CNTNAP5: variants seen among roughly 807,000 people sequenced by gnomAD.
The protein encoded by CNTNAP5 is contactin-associated protein-like 5.
A neutral mutation model predicts 150.2 loss-of-function variants in CNTNAP5; 72 were observed. The observed-to-expected ratio is 0.48, with a 90% CI of 0.40 to 0.58. The LOEUF (loss-of-function observed/expected upper bound fraction) is 0.58, where lower values mean the gene tolerates loss of function less well. CNTNAP5 is among the 20% of genes least tolerant of loss of function. The pLI is 0.00. For synonymous variants in CNTNAP5, 672 were observed against 619.8 expected (o/e 1.08, Z -1.25); for missense variants, 1,636 against 1,626.2 (o/e 1.01, Z -0.10).
intron 8 of CNTNAP5, among the ~76,000 whole-genome samples, chr2:124,520,263 A>G (rs1047513419): frequency 2.6e-5 from 4 of 152,250 alleles, no homozygotes; most frequent in African/African-American, 7.2e-5. Flanking sequence ...GCCTGCTACT[A>G]TGGGAAATAT....
At chr2:124,451,051 A>AATATAT (rs1553469335) in intron 6 of CNTNAP5, among the ~76,000 whole-genome samples, 2 of 65,306 alleles carry the variant, frequency 3.1e-5, no homozygotes, top group African/African-American at 1.4e-4. Flanking sequence ...AAAAAAAAAA[A>AATATAT]ATATATATAT....
At chr2:124,240,452 A>C (rs927614601) in intron 2 of CNTNAP5, among the ~76,000 whole-genome samples, 7 of 152,168 alleles carry the variant, frequency 4.6e-5, no homozygotes, top group Admixed American at 4.6e-4. Flanking sequence ...ATAACCATGA[A>C]AGTATGGAAA....
intron 1 of CNTNAP5, among the ~76,000 whole-genome samples, chr2:124,136,601 A>C (rs564023089): frequency 6.6e-6 from 1 of 152,260 alleles, no homozygotes; most frequent in South Asian, 2.1e-4. Context: ...TGAAAAACAG[A>C]ATGTTTGTTC....
chr2:124,261,404 CT>C (rs1687451882), intron 3 of CNTNAP5, among the ~76,000 whole-genome samples: 1 of 152,130 alleles, frequency 6.6e-6, no homozygotes, highest in Non-Finnish European at 1.5e-5. Flanking sequence ...ATTTTATAAG[CT>C]TTTTATTTGT....
chr2:124,629,936 CAAAAAAA>C (rs70996084), intron 12 of CNTNAP5, among the ~76,000 whole-genome samples: 1 of 67,772 alleles, frequency 1.5e-5, no homozygotes, highest in African/African-American at 4.4e-5. Context: ...CACCTCTATG[CAAAAAAA>C]AAAAAAAAAA....
At chr2:124,120,861 C>A (rs1279458400) in intron 1 of CNTNAP5, among the ~76,000 whole-genome samples, 1 of 152,144 alleles carries the variant, frequency 6.6e-6, no homozygotes, top group East Asian at 1.9e-4. Context: ...ATGCAATCAC[C>A]CATACCTGAG....
At position 124,149,400 on chromosome 2, in the gene CNTNAP5, T is replaced by C. The variant is rs1305703955; in HGVS notation, c.83-72305T>C. 4.6e-4 allele frequency among the ~76,000 whole-genome samples: 30 copies of C among 65,454 alleles called. 1 individual carries two copies. In the Admixed American group the frequency reaches 6.0e-3, roughly 13 times the overall value. 42.9% of individuals were successfully genotyped at this position (65,454 alleles called of 152,430 possible). A position where few individuals can be genotyped will look rare whatever the true frequency, so the allele number is the denominator to read the frequency against. On this transcript the variant is annotated intron_variant, in intron 1 of 23. Transcript: ENST00000682447. ...ACCATGTGTTCCAAGATGGCGTCAA[T>C]TGCAAAAAAAAAAAAAAAAAAAAAA...
intron 12 of CNTNAP5, among the ~76,000 whole-genome samples, chr2:124,643,500 C>A (rs1355177462): frequency 6.6e-6 from 1 of 151,784 alleles, no homozygotes; most frequent in Non-Finnish European, 1.5e-5. Context: ...AAAAAAAAAA[C>A]TTAACAAGGT....
intron 6 of CNTNAP5, among the ~76,000 whole-genome samples, chr2:124,466,839 G>A (rs545491191): frequency 5.3e-5 from 8 of 152,142 alleles, no homozygotes; most frequent in Non-Finnish European, 8.8e-5. Context: ...TCTCCATTCA[G>A]TATCATCCAC....
intron 1 of CNTNAP5, among the ~76,000 whole-genome samples, chr2:124,209,704 T>C (rs573583990): frequency 6.6e-6 from 1 of 152,288 alleles, no homozygotes; most frequent in East Asian, 1.9e-4. Context: ...GTGAGTAAGA[T>C]GGGGCCTCAA....
At chr2:124,475,025 A>C in intron 7 of CNTNAP5, 143 bp downstream of exon 7, 1 of 611,084 alleles carries the variant, frequency 1.6e-6, no homozygotes, top group Non-Finnish European at 2.7e-6. Context: ...GACACTGGAG[A>C]GAAAGAGAAT....
intron 3 of CNTNAP5, among the ~76,000 whole-genome samples, chr2:124,300,615 G>A (rs1303485582): frequency 6.6e-6 from 1 of 152,180 alleles, no homozygotes; most frequent in African/African-American, 2.4e-5. Flanking sequence ...GACCACAGGC[G>A]AGTGGCAGGG....
At chr2:124,428,877 T>A (rs1022211442) in intron 4 of CNTNAP5, among the ~76,000 whole-genome samples, 2 of 145,124 alleles carry the variant, frequency 1.4e-5, no homozygotes, top group African/African-American at 5.2e-5. Flanking sequence ...CAGTTTTATG[T>A]TTTTGGTACC....
chr2:124,696,934 T>G (rs1478836302), intron 13 of CNTNAP5, among the ~76,000 whole-genome samples: 1 of 152,118 alleles, frequency 6.6e-6, no homozygotes, highest in Non-Finnish European at 1.5e-5. Context: ...ATTCATGGAA[T>G]TTTATAACTT....
At chr2:124,349,044 T>C (rs1232760096) in intron 3 of CNTNAP5, among the ~76,000 whole-genome samples, 1 of 152,208 alleles carries the variant, frequency 6.6e-6, no homozygotes, top group Non-Finnish European at 1.5e-5. Flanking sequence ...ACTTAACTAG[T>C]AGAGATTGTG....
At chr2:124,513,861 G>A (rs957487050) in intron 8 of CNTNAP5, among the ~76,000 whole-genome samples, 5 of 152,124 alleles carry the variant, frequency 3.3e-5, no homozygotes, top group South Asian at 2.1e-4. Context: ...TATAGGCTAC[G>A]GCCCTGCAGT....
intron 10 of CNTNAP5, among the ~76,000 whole-genome samples, chr2:124,557,567 C>G (rs1558952898): frequency 1.3e-5 from 2 of 152,040 alleles, no homozygotes; most frequent in African/African-American, 4.8e-5. Flanking sequence ...CGTCAGTGGA[C>G]CAAACAGACA....
intron 1 of CNTNAP5, among the ~76,000 whole-genome samples, chr2:124,183,806 C>G (rs188345512): frequency 6.6e-6 from 1 of 152,162 alleles, no homozygotes; most frequent in Non-Finnish European, 1.5e-5. Context: ...AACGTCCACC[C>G]ACTCAAGGTT....
chr2:124,163,072 C>A (rs1285871190), intron 1 of CNTNAP5, among the ~76,000 whole-genome samples: 1 of 152,108 alleles, frequency 6.6e-6, no homozygotes, highest in Admixed American at 6.6e-5. Flanking sequence ...CTCCTACGAC[C>A]ATTAAAGACT....
Sources: allele counts gnomAD v4.1 joint callset (sites outside exome capture counted in the v4.1 genomes callset), GRCh38; gene constraint gnomAD v4.1.1; transcripts MANE v1.5; gene names NCBI Gene and HGNC (gene_info 2026-07-23, HGNC 2026-07-21).